The following ADGRL2 variants were observed in gnomAD, a reference collection of about 807,000 sequenced individuals.
ADGRL2 encodes the protein calcium-independent alpha-latrotoxin receptor 2.
Under a neutral mutation model 157.4 loss-of-function variants are expected in ADGRL2, and 44 were observed. That is an observed-to-expected ratio of 0.28 (90% CI 0.22 to 0.36). The LOEUF is 0.36. Ranked by LOEUF, ADGRL2 falls within the 10% of genes least tolerant of loss-of-function variation. The pLI is 1.00. For synonymous variants in ADGRL2, 585 were observed against 624.7 expected (o/e 0.94, Z 0.95); for missense variants, 1,510 against 1,768.9 (o/e 0.85, Z 2.63).
intron 1 of ADGRL2, among the ~76,000 whole-genome samples, chr1:81,429,483 G>C (rs1420390661): frequency 1.3e-5 from 2 of 152,298 alleles, no homozygotes; most frequent in African/African-American, 4.8e-5. Context: ...CCTAAATCAA[G>C]CAGGCACGAT....
chr1:81,462,559 A>T, intron 2 of ADGRL2, among the ~76,000 whole-genome samples: 1 of 152,116 alleles, frequency 6.6e-6, no homozygotes, highest in East Asian at 1.9e-4. Context: ...TTTTTCCTAC[A>T]TGACCTACAA....
chr1:81,532,148 G>A (rs371403460), intron 2 of ADGRL2, among the ~76,000 whole-genome samples: 32 of 152,196 alleles, frequency 2.1e-4, no homozygotes, highest in African/African-American at 4.1e-4. Context: ...ACCCTTCAGC[G>A]TTAGTATAAG....
At chr1:81,339,335 A>G (rs190028883) in intron 1 of ADGRL2, among the ~76,000 whole-genome samples, 42 of 152,318 alleles carry the variant, frequency 2.8e-4, no homozygotes, top group Non-Finnish European at 4.1e-4. Context: ...CTGATTCCCA[A>G]TGCCTTGCTC....
intron 1 of ADGRL2, among the ~76,000 whole-genome samples, chr1:81,387,450 G>A (rs1384080057): frequency 6.6e-6 from 1 of 152,100 alleles, no homozygotes; most frequent in African/African-American, 2.4e-5. Context: ...AAAAAGGCAG[G>A]TTGTATTTAT....
At position 81,575,877 on chromosome 1, in the gene ADGRL2, T is replaced by C. The variant is rs535015489; in HGVS notation, c.-247-4999T>C. ...CTTTTAACTTTTTAGTAAGGAAAATTCCAAATTTATACTACACAGAATAGC... is the reference window on the plus strand; with the variant it reads ...CTTTTAACTTTTTAGTAAGGAAAATCCCAAATTTATACTACACAGAATAGC... On this transcript the variant is annotated intron_variant, in intron 2 of 24. Coordinates refer to the ADGRL2 transcript ENST00000370721. 2.8e-3 allele frequency among the ~76,000 whole-genome samples: 428 copies of C among 152,192 alleles called. 4 individuals are homozygous for C. Among genetic ancestry groups the C allele is most frequent in the African/African-American group, 0.01 (417 of 41,538 alleles).
At chr1:81,694,179 TGAAAA>T (rs1260693172) in intron 3 of ADGRL2, among the ~76,000 whole-genome samples, 1 of 152,154 alleles carries the variant, frequency 6.6e-6, no homozygotes, top group African/African-American at 2.4e-5. Flanking sequence ...ATAGATCATA[TGAAAA>T]ACACTTGAGA....
intron 2 of ADGRL2, among the ~76,000 whole-genome samples, chr1:81,517,464 CAAAAA>C (rs397956551): frequency 4.4e-5 from 2 of 45,278 alleles, no homozygotes; most frequent in African/African-American, 8.1e-5. Flanking sequence ...GACTCCCTCT[CAAAAA>C]AAAAAAAAAA....
At chr1:81,379,984 T>G (rs1248127581) in intron 1 of ADGRL2, among the ~76,000 whole-genome samples, 1 of 152,164 alleles carries the variant, frequency 6.6e-6, no homozygotes, top group Non-Finnish European at 1.5e-5. Context: ...TTCTGTATCA[T>G]TTAAACGGAC....
At chr1:81,580,985 G>A (rs1167212279) in intron 3 of ADGRL2, 1 of 152,138 alleles carries the variant, frequency 6.6e-6, no homozygotes, top group Admixed American at 6.6e-5. Flanking sequence ...AAAACTGTGA[G>A]TGAACATTCC....
rs976565779 is a variant in ADGRL2, at chr1:81,375,047, T to C, written c.-302+68538T>C. 1.1e-4 allele frequency among the ~76,000 whole-genome samples: 17 copies of C among 152,302 alleles called. No homozygotes were observed. In the East Asian group the frequency reaches 3.3e-3, roughly 29 times the overall value. On this transcript the variant is annotated intron_variant, in intron 1 of 24. Transcript: ENST00000370721. ...TTAGGGCTTCCATGAGAGGCAGTTA[T>C]CATGGAGTGTTGTTCCAGACAACAT...
chr1:81,488,360 G>A (rs2078553892), intron 2 of ADGRL2, among the ~76,000 whole-genome samples: 1 of 151,980 alleles, frequency 6.6e-6, no homozygotes, highest in African/African-American at 2.4e-5. Flanking sequence ...GCAAACTCTG[G>A]GGAAAGGGAA....
intron 3 of ADGRL2, among the ~76,000 whole-genome samples, chr1:81,602,337 G>A (rs2081348507): frequency 6.6e-6 from 1 of 152,080 alleles, no homozygotes; most frequent in African/African-American, 2.4e-5. Flanking sequence ...GCTCACGCCT[G>A]TAATCCCAGC....
At chr1:81,904,699 A>G (rs1186290355) in intron 2 of ADGRL2, among the ~76,000 whole-genome samples, 3 of 152,144 alleles carry the variant, frequency 2.0e-5, no homozygotes, top group Admixed American at 6.5e-5. Context: ...CACGAGGTCA[A>G]GGGTTCGAGA....
At chr1:81,542,971 G>C (rs2079921195) in intron 2 of ADGRL2, among the ~76,000 whole-genome samples, 1 of 150,072 alleles carries the variant, frequency 6.7e-6, no homozygotes, top group African/African-American at 2.4e-5. Flanking sequence ...AACAAGTTTA[G>C]AATATACTGG....
At chr1:81,875,692 A>G (rs2093821222) in intron 2 of ADGRL2, among the ~76,000 whole-genome samples, 1 of 152,134 alleles carries the variant, frequency 6.6e-6, no homozygotes, top group Non-Finnish European at 1.5e-5. Flanking sequence ...TTTTATTTGT[A>G]GCTTGATATG....
chr1:81,951,152 G>A (rs1325042725), intron 8 of ADGRL2, 31 bp downstream of exon 8: 11 of 1,352,168 alleles, frequency 8.1e-6, no homozygotes, highest in African/African-American at 1.4e-5. Flanking sequence ...ATGACACATT[G>A]GTGATTTAGG....
intron 2 of ADGRL2, among the ~76,000 whole-genome samples, chr1:81,868,664 G>A (rs1038740263): frequency 6.6e-6 from 1 of 152,102 alleles, no homozygotes; most frequent in Non-Finnish European, 1.5e-5. Context: ...TCTCAGAGAA[G>A]CTACCTGCCC....
rs1203992413 is a variant in ADGRL2, at chr1:81,524,860, G to C, written c.-247-56016G>C. On this transcript the variant is annotated intron_variant, in intron 2 of 24. Coordinates refer to the ADGRL2 transcript ENST00000370721. The stretch of plus-strand genomic sequence containing the variant: ...TTAGAGGCTACAGGGAGCTATGATC[G>C]TGCCACTGCATTCTAGCCTGGGCGA... 2.0e-5 allele frequency among the ~76,000 whole-genome samples: 3 copies of C among 151,980 alleles called. No individual in the cohort carries two copies. The East Asian group carries it at 5.8e-4, about 29-fold the overall frequency.
intron 2 of ADGRL2, among the ~76,000 whole-genome samples, chr1:81,446,888 T>C (rs1334352170): frequency 6.6e-6 from 1 of 152,174 alleles, no homozygotes; most frequent in Non-Finnish European, 1.5e-5. Flanking sequence ...ACAAATGTTA[T>C]AATTTATTGT....
Sources: gnomAD v4.1 joint callset for allele counts (sites outside exome capture counted in the v4.1 genomes callset) on GRCh38, gnomAD v4.1.1 for gene constraint, MANE v1.5 for transcripts, NCBI Gene and HGNC (gene_info 2026-07-23, HGNC 2026-07-21) for gene names.